Variants in WT1 observed in about 807,000 individuals in gnomAD.
The protein encoded by WT1 is WT1 transcription factor, also known as Wilms tumor protein.
A neutral mutation model predicts 60.8 loss-of-function variants in WT1; 8 were observed. The ratio of observed to expected loss-of-function variants is 0.13; its 90% confidence interval spans 0.08 to 0.24. The LOEUF (loss-of-function observed/expected upper bound fraction) is 0.24, where lower values mean the gene tolerates loss of function less well. Among genes scored for constraint, WT1 ranks in the 10% least tolerant of loss-of-function variants. WT1 has a pLI of 1.00. For missense variants in WT1, 568 were observed against 711.8 expected (o/e 0.80, Z 2.30); for synonymous variants, 312 against 297.1 (o/e 1.05, Z -0.52).
chr11:32,431,193 C>T (rs1024742505), intron 1 of WT1, among the ~76,000 whole-genome samples: 11 of 152,202 alleles, frequency 7.2e-5, no homozygotes, highest in African/African-American at 2.2e-4. Flanking sequence ...GGACAGCAGG[C>T]TCAGCCAGGA....
chr11:32,390,605 G>C (rs557122396), intron 9 of WT1, among the ~76,000 whole-genome samples: 2 of 152,184 alleles, frequency 1.3e-5, no homozygotes, highest in Non-Finnish European at 2.9e-5. Flanking sequence ...TTCACTCGCT[G>C]TTCCTCTGCT....
intron 9 of WT1, among the ~76,000 whole-genome samples, chr11:32,389,686 C>T (rs758280875): frequency 6.6e-6 from 1 of 151,658 alleles, no homozygotes; most frequent in Non-Finnish European, 1.5e-5. Flanking sequence ...CCTGGATGGG[C>T]TGGATACTTT....
At chr11:32,431,979 A>G (rs1348561011) in intron 1 of WT1, among the ~76,000 whole-genome samples, 1 of 152,166 alleles carries the variant, frequency 6.6e-6, no homozygotes, top group Non-Finnish European at 1.5e-5. Context: ...ATCCAAAACA[A>G]GGGGCCTCTC....
chr11:32,404,305 T>C (rs914245812), intron 5 of WT1, among the ~76,000 whole-genome samples: 4 of 151,568 alleles, frequency 2.6e-5, no homozygotes, highest in African/African-American at 4.9e-5. Context: ...CAAACAGTTT[T>C]CATGTTTTTC....
chr11:32,429,462 T>C lies in WT1; in HGVS notation c.662-843A>G, dbSNP rs796728444. 3.0e-4 allele frequency among the ~76,000 whole-genome samples: 37 copies of C among 124,714 alleles called. 1 individual carries two copies. In the South Asian group the frequency reaches 8.3e-3, roughly 28 times the overall value. The allele number at this position is 124,714 out of a possible 152,430, so 81.8% of individuals were successfully genotyped here. A position where few individuals can be genotyped will look rare whatever the true frequency, so the allele number is the denominator to read the frequency against. On this transcript the variant is annotated intron_variant, in intron 1 of 9. Coordinates refer to ENST00000452863, the MANE Select transcript of WT1 (RefSeq NM_024426.6). ...TTTCCCCCTAGGGAAATCCTAGCAT[T>C]CCCCCCCCCCCCCAAAGTGAGAAAA...
intron 5 of WT1, among the ~76,000 whole-genome samples, chr11:32,401,511 G>A (rs967317596): frequency 1.3e-5 from 2 of 151,700 alleles, no homozygotes; most frequent in African/African-American, 4.8e-5. Flanking sequence ...TTATCGGGGG[G>A]GGGTGTGGTC....
Position 32,434,939 on chromosome 11 carries a change from G to C in WT1, c.422C>G (p.Pro141Arg). Reference sequence around the variant, plus strand: ...CGGCTCCTGTTTGATGAAGGAGTGAGGCGGCGGCGGCGGGGGTGGCGGCGG... The same window carrying C: ...CGGCTCCTGTTTGATGAAGGAGTGACGCGGCGGCGGCGGGGGTGGCGGCGG... The change falls in exon 1 of 10, where the codon CCT becomes CGT. Residue 141 changes from proline to arginine, a missense_variant. Physicochemically the swap from Pro to Arg is moderately radical, Grantham distance 103. Coordinates refer to ENST00000452863, the MANE Select transcript of WT1 (RefSeq NM_024426.6). 6.3e-7 allele frequency: 1 copy of C among 1,578,780 alleles called. No homozygotes were observed. Among genetic ancestry groups the C allele is most frequent in the South Asian group, 1.1e-5 (1 of 87,940 alleles).
At chr11:32,417,372 A>G (rs1852708182) in intron 4 of WT1, 2 of 588,136 alleles carry the variant, frequency 3.4e-6, no homozygotes, top group Admixed American at 6.1e-5. Context: ...TGTTCCAGAT[A>G]GAAACAACCC....
intron 6 of WT1, among the ~76,000 whole-genome samples, chr11:32,399,088 G>A (rs989342244): frequency 1.7e-4 from 26 of 150,758 alleles, no homozygotes; most frequent in African/African-American, 5.4e-4. Context: ...CCCTGGAGGC[G>A]GAGCTTGCAG....
At chr11:32,398,949 G>T (rs1299595744) in intron 6 of WT1, among the ~76,000 whole-genome samples, 1 of 151,258 alleles carries the variant, frequency 6.6e-6, no homozygotes, top group Non-Finnish European at 1.5e-5. Flanking sequence ...CAGGTCAGGA[G>T]ATCAAGACCA....
chr11:32,428,096 C>A, intron 2 of WT1, 38 bp from the exon 3 acceptor site: 2 of 1,554,170 alleles, frequency 1.3e-6, no homozygotes, highest in East Asian at 2.3e-5. Flanking sequence ...CGAGTGCGCC[C>A]CAAGGGCTCG....
At chr11:32,431,959 G>A (rs1183036348) in intron 1 of WT1, among the ~76,000 whole-genome samples, 2 of 152,118 alleles carry the variant, frequency 1.3e-5, no homozygotes, top group Non-Finnish European at 2.9e-5. Flanking sequence ...CATAGAACCT[G>A]GATTTCCTCA....
chr11:32,428,876 G>A (rs748849810), intron 1 of WT1: 1 of 568,520 alleles, frequency 1.8e-6, no homozygotes, highest in Non-Finnish European at 3.2e-6. Context: ...ATTTATTTAT[G>A]CCGCAGTCTT....
At chr11:32,415,803 T>C (rs1368183147) in intron 5 of WT1, among the ~76,000 whole-genome samples, 2 of 151,970 alleles carry the variant, frequency 1.3e-5, no homozygotes, top group African/African-American at 2.4e-5. Context: ...GCTGAAAAAT[T>C]TGGGGGCGGG....
In WT1 at chr11:32,408,223, A is replaced by AAAAT. The variant is rs1181992125; in HGVS notation, c.1017-8180_1017-8179insATTT. ...TGAAACTCCATCTCAGAAAAAAAAAAAAAAAAATGCTGGGCGCAGTGGCTC... is the reference window on the plus strand; with the variant it reads ...TGAAACTCCATCTCAGAAAAAAAAAAAAATAAAAAAATGCTGGGCGCAGTGGCTC... On this transcript the variant is annotated intron_variant, in intron 5 of 9. Transcript: ENST00000452863. Among the ~76,000 whole-genome samples, 21 of 150,700 alleles carry AAAAT rather than the reference A, an allele frequency of 1.4e-4. No homozygotes were observed. In the East Asian group the frequency reaches 3.9e-3, roughly 28 times the overall value.
intron 3 of WT1, among the ~76,000 whole-genome samples, chr11:32,419,396 A>G (rs1217018504): frequency 6.6e-6 from 1 of 152,138 alleles, no homozygotes; most frequent in Non-Finnish European, 1.5e-5. Context: ...GCAGCTCTAT[A>G]TTTTTGTCAC....
intron 3 of WT1, among the ~76,000 whole-genome samples, chr11:32,424,634 G>A (rs1293394535): frequency 6.6e-6 from 1 of 152,104 alleles, no homozygotes; most frequent in African/African-American, 2.4e-5. Flanking sequence ...ACCACCTCCT[G>A]TCATTTCCCA....
chr11:32,413,079 T>C (rs1438746511), intron 5 of WT1, among the ~76,000 whole-genome samples: 2 of 152,192 alleles, frequency 1.3e-5, no homozygotes, highest in Non-Finnish European at 2.9e-5. Flanking sequence ...GCCACTTTTT[T>C]GAAACGAAAC....
In WT1 at chr11:32,434,792, G is replaced by A. The variant is rs757349907; in HGVS notation, c.569C>T (p.Pro190Leu). The change falls in exon 1 of 10, where the codon CCC (proline) becomes CTC (leucine). Residue 190 changes from proline (P) to leucine (L), a missense_variant. Pro to Leu is a moderately conservative substitution (Grantham distance 98, BLOSUM62 -3). Transcript: ENST00000452863. Reference sequence around the variant, plus strand: ...GGCCTGGCCGGATGACGCCTGGCTGGGCGGAGGAGGACCGAAGGGCCCGTA... The same window carrying A: ...GGCCTGGCCGGATGACGCCTGGCTGAGCGGAGGAGGACCGAAGGGCCCGTA... The A allele has an allele frequency of 7.3e-5, 117 of 1,612,624 alleles. 4 individuals are homozygous for A. In the South Asian group the frequency reaches 1.3e-3, roughly 18 times the overall value.
Sources: gnomAD v4.1 joint callset for allele counts (sites outside exome capture counted in the v4.1 genomes callset) on GRCh38, gnomAD v4.1.1 for gene constraint, MANE v1.5 for transcripts, NCBI Gene and HGNC (gene_info 2026-07-23, HGNC 2026-07-21) for gene names.